CAMTA1: variants seen among roughly 807,000 people sequenced by gnomAD.
CAMTA1 encodes calmodulin binding transcription activator 1.
In CAMTA1, 27 loss-of-function variants were observed where a neutral mutation model predicts 170.9. The observed-to-expected ratio is 0.16, with a 90% CI of 0.12 to 0.22. CAMTA1 has a LOEUF of 0.22. Among genes scored for constraint, CAMTA1 ranks in the 10% least tolerant of loss-of-function variants. The probability of loss-of-function intolerance (pLI) is 1.00; values close to 1 mark genes in which losing one functional copy is unlikely to be tolerated. For synonymous variants in CAMTA1, 833 were observed against 891.5 expected (o/e 0.93, Z 1.17); for missense variants, 1,619 against 2,217.2 (o/e 0.73, Z 5.42).
chr1:6,891,478 G>A (rs558038087), intron 3 of CAMTA1, among the ~76,000 whole-genome samples: 66 of 152,284 alleles, frequency 4.3e-4, no homozygotes, highest in African/African-American at 1.6e-3. Context: ...CATTAGAATA[G>A]CCTTCTGTGA....
chr1:7,735,657 A>G (rs2096766598), intron 12 of CAMTA1, among the ~76,000 whole-genome samples: 1 of 152,114 alleles, frequency 6.6e-6, no homozygotes. Context: ...TGTCAGCCCT[A>G]ATAGATAGAC....
chr1:7,071,105 G>T (rs1227108430), intron 3 of CAMTA1, among the ~76,000 whole-genome samples: 1 of 152,154 alleles, frequency 6.6e-6, no homozygotes, highest in African/African-American at 2.4e-5. Context: ...GGACTGGAGC[G>T]AGCCTCCCCC....
At chr1:6,846,232 A>T (rs1483439223) in intron 3 of CAMTA1, among the ~76,000 whole-genome samples, 1 of 152,224 alleles carries the variant, frequency 6.6e-6, no homozygotes, top group Non-Finnish European at 1.5e-5. Flanking sequence ...TTGAACTAGG[A>T]TTTCTTTACT....
chr1:7,131,404 T>C (rs955918761), intron 4 of CAMTA1, among the ~76,000 whole-genome samples: 4 of 152,176 alleles, frequency 2.6e-5, no homozygotes, highest in Non-Finnish European at 5.9e-5. Flanking sequence ...TCCAAGATCA[T>C]TAAGATTTTC....
rs546325395 is a variant in CAMTA1, at chr1:6,899,708, A to G, written c.234+74498A>G. Among the ~76,000 whole-genome samples, 234 of 152,330 alleles carry G rather than the reference A, an allele frequency of 1.5e-3. 2 individuals carry two copies. The highest frequency in any genetic ancestry group is 9.4e-4 in the Non-Finnish European group (64 of 68,026). ...TGGAGGCAGGAATTAACTTCAACAA[A>G]TCATAGCAGTTGATACTGTAGATAT... On this transcript the variant is annotated intron_variant, in intron 3 of 22. Transcript: ENST00000303635.
rs577947889 is a variant in CAMTA1 at position 6,979,719 on chromosome 1, T to C, written c.235-111585T>C. Among the ~76,000 whole-genome samples the C allele has an allele frequency of 2.6e-5, 4 of 152,272 alleles. No individual in the cohort carries two copies. The South Asian group carries it at 8.3e-4, about 32-fold the overall frequency. On this transcript the variant is annotated intron_variant, in intron 3 of 22. Coordinates refer to ENST00000303635, the MANE Select transcript of CAMTA1 (RefSeq NM_015215.4). ...AAAATTAGAAGAAAACTAAAAATCA[T>C]GAAGCTGAGCTGGTGGTGGTGTAGC...
rs767334417 is a variant in CAMTA1, at chr1:7,670,962, T to C, written c.2704T>C (p.Tyr902His). ...TGPWQEASNN[Y>H]SCLFDQISVP... Reference sequence around the variant, plus strand: ...CCCGTGGCAAGAAGCCAGCAATAACTACAGCTGCCTGTTTGACCAGATCTC... The same window carrying C: ...CCCGTGGCAAGAAGCCAGCAATAACCACAGCTGCCTGTTTGACCAGATCTC... Residue 902 changes from tyrosine to histidine, a missense_variant, in exon 10 of 23, where the codon TAC becomes CAC. Coordinates refer to ENST00000303635, the MANE Select transcript of CAMTA1 (RefSeq NM_015215.4). 32 of 1,613,674 alleles carry C rather than the reference T, an allele frequency of 2.0e-5. No individual in the cohort carries two copies. Among genetic ancestry groups the C allele is most frequent in the Non-Finnish European group, 5.9e-6 (7 of 1,179,950 alleles).
At chr1:7,420,692 A>G (rs1353992001) in intron 5 of CAMTA1, among the ~76,000 whole-genome samples, 3 of 152,180 alleles carry the variant, frequency 2.0e-5, no homozygotes, top group Non-Finnish European at 4.4e-5. Flanking sequence ...CAGTCCAAAT[A>G]TTAGCAATGC....
chr1:7,357,725 T>C (rs1216948517), intron 5 of CAMTA1, among the ~76,000 whole-genome samples: 1 of 152,212 alleles, frequency 6.6e-6, no homozygotes, highest in African/African-American at 2.4e-5. Flanking sequence ...CGTCCATGTG[T>C]GTTTTTCGTC....
intron 4 of CAMTA1, among the ~76,000 whole-genome samples, chr1:7,108,667 C>T (rs771665217): frequency 6.6e-6 from 1 of 152,196 alleles, no homozygotes; most frequent in African/African-American, 2.4e-5. Context: ...TCAAATGCTG[C>T]ATGGGAAGCC....
chr1:7,096,645 C>T (rs1642111409), intron 4 of CAMTA1, among the ~76,000 whole-genome samples: 2 of 152,210 alleles, frequency 1.3e-5, no homozygotes, highest in African/African-American at 4.8e-5. Context: ...TCATTAGCCA[C>T]CAACTCCGTC....
At chr1:7,386,610 G>A (rs1275713391) in intron 5 of CAMTA1, among the ~76,000 whole-genome samples, 3 of 152,108 alleles carry the variant, frequency 2.0e-5, no homozygotes, top group Admixed American at 6.5e-5. Flanking sequence ...TAAGAAGGCC[G>A]TGCACCTTGA....
chr1:7,549,155 G>A (rs60870420), intron 6 of CAMTA1, among the ~76,000 whole-genome samples: 14,151 of 146,250 alleles, frequency 0.097, 1,226 homozygotes, highest in African/African-American at 0.25. Context: ...CCTTAGGGGC[G>A]GAGGTGCTGG....
At chr1:7,577,317 A>AT (rs1432001423) in intron 6 of CAMTA1, among the ~76,000 whole-genome samples, 3 of 151,890 alleles carry the variant, frequency 2.0e-5, no homozygotes, top group Non-Finnish European at 4.4e-5. Flanking sequence ...CCTTGTGCTT[A>AT]TTTTTTGCAG....
intron 5 of CAMTA1, among the ~76,000 whole-genome samples, chr1:7,318,407 A>C (rs558718031): frequency 2.0e-5 from 3 of 152,336 alleles, no homozygotes; most frequent in Non-Finnish European, 4.4e-5. Context: ...ACAACTTAAC[A>C]GGGAATGGGA....
chr1:6,901,096 A>G (rs1490257357), intron 3 of CAMTA1, among the ~76,000 whole-genome samples: 1 of 152,244 alleles, frequency 6.6e-6, no homozygotes, highest in Non-Finnish European at 1.5e-5. Flanking sequence ...CCACACATAG[A>G]TGCTCAATTG....
intron 3 of CAMTA1, among the ~76,000 whole-genome samples, chr1:6,911,694 C>A (rs1679716986): frequency 1.3e-5 from 2 of 152,224 alleles, no homozygotes; most frequent in Admixed American, 6.5e-5. Flanking sequence ...AGAAACCCCG[C>A]TGGTAAGGTG....
intron 3 of CAMTA1, among the ~76,000 whole-genome samples, chr1:7,082,392 C>T (rs1477266927): frequency 6.6e-6 from 1 of 152,110 alleles, no homozygotes; most frequent in African/African-American, 2.4e-5. Flanking sequence ...GAGCCAAGAT[C>T]ATGCCGCTGC....
At chr1:7,509,004 A>G (rs1336469967) in intron 6 of CAMTA1, among the ~76,000 whole-genome samples, 1 of 152,226 alleles carries the variant, frequency 6.6e-6, no homozygotes, top group African/African-American at 2.4e-5. Context: ...GGCTATGGGC[A>G]GGACAAGCCT....
Sources: gnomAD v4.1 joint callset for allele counts (sites outside exome capture counted in the v4.1 genomes callset) on GRCh38, gnomAD v4.1.1 for gene constraint, MANE v1.5 for transcripts, NCBI Gene and HGNC (gene_info 2026-07-23, HGNC 2026-07-21) for gene names.